The following ANAPC10 variants were observed in gnomAD, a reference collection of about 807,000 sequenced individuals.
ANAPC10 encodes the protein anaphase promoting complex subunit 10.
In ANAPC10, 12 loss-of-function variants were observed where a neutral mutation model predicts 22.0. The ratio of observed to expected loss-of-function variants is 0.55; its 90% CI spans 0.35 to 0.88. The LOEUF is 0.88. ANAPC10 is among the 40% of genes least tolerant of loss of function. The pLI is 0.01. For synonymous variants in ANAPC10, 65 were observed against 69.5 expected, an observed-to-expected ratio of 0.94 and a Z score of 0.32; for missense variants, 188 against 220.9, an observed-to-expected ratio of 0.85 and a Z score of 0.94.
chr4:145,016,625 A>T (rs1195851511), intron 4 of ANAPC10, among the ~76,000 whole-genome samples: 1 of 152,228 alleles, frequency 6.6e-6, no homozygotes, highest in Non-Finnish European at 1.5e-5. Flanking sequence ...AACTACTTTA[A>T]AGTTCATATG....
rs541300171 is a variant in ANAPC10, at chr4:144,996,203, G to A, written c.328-600C>T. Reference sequence around the variant, plus strand: ...AGATATCCCCACGGCTCTACACTCCGAAACAGGCTTATAGGATCTTAGTGA... The same window carrying A: ...AGATATCCCCACGGCTCTACACTCCAAAACAGGCTTATAGGATCTTAGTGA... On this transcript the variant is annotated intron_variant, in intron 4 of 4. Coordinates refer to ENST00000507656, the MANE Select transcript of ANAPC10 (RefSeq NM_001256706.2). 2.2e-4 allele frequency among the ~76,000 whole-genome samples: 33 copies of A among 152,278 alleles called. No individual in the cohort carries two copies. In the East Asian group the frequency reaches 5.0e-3, roughly 23 times the overall value.
chr4:145,020,527 A>G (rs192381092), intron 4 of ANAPC10, among the ~76,000 whole-genome samples: 32 of 152,308 alleles, frequency 2.1e-4, no homozygotes, highest in African/African-American at 7.5e-4. Context: ...GAACAAAACA[A>G]GGATGCCCAC....
intron 2 of ANAPC10, among the ~76,000 whole-genome samples, chr4:145,085,855 G>A (rs946075698): frequency 6.6e-6 from 1 of 150,418 alleles, no homozygotes; most frequent in Non-Finnish European, 1.5e-5. Context: ...TATTGTATTT[G>A]AATTTTTTTT....
At chr4:145,008,468 C>T (rs1733768664) in intron 4 of ANAPC10, among the ~76,000 whole-genome samples, 1 of 152,142 alleles carries the variant, frequency 6.6e-6, no homozygotes, top group Non-Finnish European at 1.5e-5. Flanking sequence ...TCCAGCAGCA[C>T]ATCAAAAAGC....
intron 3 of ANAPC10, among the ~76,000 whole-genome samples, chr4:145,069,517 G>A (rs534176072): frequency 6.6e-6 from 1 of 152,096 alleles, no homozygotes; most frequent in African/African-American, 2.4e-5. Flanking sequence ...CAGAGGACTG[G>A]GAATCATTAA....
chr4:145,011,839 G>A (rs573746167), intron 4 of ANAPC10, among the ~76,000 whole-genome samples: 1 of 152,210 alleles, frequency 6.6e-6, no homozygotes, highest in East Asian at 1.9e-4. Flanking sequence ...CAGAGTTTTT[G>A]GCAATTTTTC....
At chr4:145,070,790 A>G (rs1744382547) in intron 3 of ANAPC10, among the ~76,000 whole-genome samples, 1 of 152,230 alleles carries the variant, frequency 6.6e-6, no homozygotes, top group African/African-American at 2.4e-5. Flanking sequence ...ACAGTCATAC[A>G]ATGGAATATT....
chr4:145,097,429 GCGC>G, intron 1 of ANAPC10: 14 of 1,194,104 alleles, frequency 1.2e-5, no homozygotes, highest in Non-Finnish European at 1.4e-5. Flanking sequence ...TGCTTTGGTA[GCGC>G]AGTTACTGCT....
rs1038195464 is a variant in ANAPC10, at chr4:145,001,142, C to A, written c.328-5539G>T. The stretch of plus-strand genomic sequence containing the variant: ...GGTACATGTATACCTATGTAACAAA[C>A]CTGCACATTGTGTACATGTACCCTA... On this transcript the variant is annotated intron_variant, in intron 4 of 4. Transcript: ENST00000507656. Among the ~76,000 whole-genome samples, 4 of 150,270 alleles carry A rather than the reference C, an allele frequency of 2.7e-5. No individual in the cohort carries two copies. In the East Asian group the frequency reaches 5.9e-4, roughly 22 times the overall value.
chr4:145,012,211 T>C (rs1008604033), intron 4 of ANAPC10, among the ~76,000 whole-genome samples: 77 of 149,204 alleles, frequency 5.2e-4, no homozygotes, highest in African/African-American at 1.8e-3. Flanking sequence ...CACACATATA[T>C]ATACATATAT....
chr4:145,023,408 T>C (rs1736239053), intron 4 of ANAPC10, among the ~76,000 whole-genome samples: 1 of 152,170 alleles, frequency 6.6e-6, no homozygotes, highest in South Asian at 2.1e-4. Flanking sequence ...TCTTGAACAG[T>C]CCTTTGCCTC....
intron 3 of ANAPC10, among the ~76,000 whole-genome samples, chr4:145,070,828 T>G (rs770995618): frequency 4.6e-5 from 7 of 152,236 alleles, no homozygotes; most frequent in Non-Finnish European, 7.3e-5. Flanking sequence ...AATGAAATTC[T>G]GACACATGCT....
intron 4 of ANAPC10, among the ~76,000 whole-genome samples, chr4:145,011,763 C>T (rs779709207): frequency 6.6e-5 from 10 of 152,052 alleles, no homozygotes; most frequent in African/African-American, 1.7e-4. Flanking sequence ...ACAATATTTG[C>T]CACATTCTGA....
At chr4:145,001,002 C>T (rs1227546976) in intron 4 of ANAPC10, among the ~76,000 whole-genome samples, 2 of 151,990 alleles carry the variant, frequency 1.3e-5, no homozygotes, top group African/African-American at 4.8e-5. Context: ...AATGAGAACA[C>T]TTGGACACAG....
intron 3 of ANAPC10, among the ~76,000 whole-genome samples, chr4:145,067,488 A>G (rs1401504665): frequency 1.3e-5 from 2 of 152,026 alleles, no homozygotes; most frequent in Non-Finnish European, 2.9e-5. Context: ...GGAACCAAAC[A>G]TTTGCTTTGT....
chr4:145,095,484 AATCATCAAC>A (rs925619632), intron 2 of ANAPC10, among the ~76,000 whole-genome samples: 19 of 152,266 alleles, frequency 1.2e-4, no homozygotes, highest in Admixed American at 4.6e-4. Flanking sequence ...CCTGATATCC[AATCATCAAC>A]ATCATCGTGG....
chr4:145,095,972 T>G lies in ANAPC10; in HGVS notation c.115+13A>C. On this transcript the variant is annotated intron_variant, in intron 2 of 4. Transcript: ENST00000507656. Reference sequence around the variant, plus strand: ...GACTATTTCCAACAGCTTTTTTGTTTGTTAGTTTTTACCTGGTTTGCAAGA... The same window carrying G: ...GACTATTTCCAACAGCTTTTTTGTTGGTTAGTTTTTACCTGGTTTGCAAGA... 1 of 1,614,018 alleles carries G rather than the reference T, an allele frequency of 6.2e-7. No individual in the cohort carries two copies. Among genetic ancestry groups the G allele is most frequent in the Non-Finnish European group, 8.5e-7 (1 of 1,179,910 alleles).
At chr4:145,011,546 G>C (rs139055753) in intron 4 of ANAPC10, among the ~76,000 whole-genome samples, 153 of 152,064 alleles carry the variant, frequency 1.0e-3, no homozygotes, top group Non-Finnish European at 1.6e-3. Context: ...GAGCCTCAGG[G>C]AGGTGAATGG....
intron 1 of ANAPC10, 100 bp from the exon 2 acceptor site, chr4:145,096,211 A>G (rs1415451178): frequency 1.7e-6 from 2 of 1,179,284 alleles, no homozygotes; most frequent in Non-Finnish European, 2.4e-6. Flanking sequence ...ATATACCCTG[A>G]CATTAATCAT....
Sources: gnomAD v4.1 joint callset for allele counts (sites outside exome capture counted in the v4.1 genomes callset) on GRCh38, gnomAD v4.1.1 for gene constraint, MANE v1.5 for transcripts, NCBI Gene and HGNC (gene_info 2026-07-23, HGNC 2026-07-21) for gene names.